C16orf96: variants seen among roughly 807,000 people sequenced by gnomAD.
C16orf96 encodes uncharacterized protein C16orf96.
A neutral mutation model predicts 103.6 loss-of-function variants in C16orf96; 108 were observed. The ratio of observed to expected loss-of-function variants is 1.04; its 90% CI spans 0.89 to 1.22. The LOEUF (loss-of-function observed/expected upper bound fraction) is 1.22, where lower values mean the gene tolerates loss of function less well. Ranked by LOEUF, C16orf96 falls within the 50% of genes most tolerant of loss-of-function variation. The pLI, the probability that C16orf96 is intolerant of heterozygous loss-of-function variation, is 0.00. For missense variants in C16orf96, 1,586 were observed against 1,464.2 expected (o/e 1.08, Z -1.36); for synonymous variants, 566 against 593.5 (o/e 0.95, Z 0.67).
chr16:4,587,713 T>C (rs990526435), intron 8 of C16orf96, among the ~76,000 whole-genome samples: 4 of 151,912 alleles, frequency 2.6e-5, no homozygotes, highest in African/African-American at 7.3e-5. Context: ...GAAGATAGGA[T>C]CACTTGAGGC....
chr16:4,552,176 C>T (rs1213006184), upstream of C16orf96, among the ~76,000 whole-genome samples: 2 of 152,046 alleles, frequency 1.3e-5, no homozygotes, highest in African/African-American at 2.4e-5. Context: ...TGTAATTCCG[C>T]TCAATTTTAT....
chr16:4,598,644 C>T (rs1278681328), intron 14 of C16orf96, among the ~76,000 whole-genome samples: 1 of 152,142 alleles, frequency 6.6e-6, no homozygotes, highest in Non-Finnish European at 1.5e-5. Flanking sequence ...AGGTGAAGGA[C>T]AGGAAGATGG....
chr16:4,555,023 G>T (rs775200153), upstream of C16orf96, among the ~76,000 whole-genome samples: 29 of 151,860 alleles, frequency 1.9e-4, no homozygotes, highest in Non-Finnish European at 3.2e-4. Context: ...AGCGCTTTGG[G>T]AGGCTGAGGC....
chr16:4,579,107 C>T (rs2059550500), intron 6 of C16orf96, 82 bp downstream of exon 6: 2 of 1,253,786 alleles, frequency 1.6e-6, no homozygotes, highest in Admixed American at 2.0e-5. Context: ...CTGCCCCCCT[C>T]CCAGGTGCAG....
chr16:4,566,030 A>C lies in C16orf96; in HGVS notation c.421-5531A>C, dbSNP rs565418983. 1.5e-3 allele frequency among the ~76,000 whole-genome samples: 222 copies of C among 152,146 alleles called. 3 individuals are homozygous for C. The Middle Eastern group carries it at 0.048, about 33-fold the overall frequency. On this transcript the variant is annotated intron_variant, in intron 1 of 15. Transcript: ENST00000444310. ...GCTAATTTTTAAGTTTTATGTAGAG[A>C]TGTGGTCTTGCTGTGTTAACAGCCC...
chr16:4,591,393 G>A (rs1005490300), intron 9 of C16orf96, among the ~76,000 whole-genome samples: 1 of 152,030 alleles, frequency 6.6e-6, no homozygotes, highest in Non-Finnish European at 1.5e-5. Context: ...GCTGAGCTTG[G>A]TTTGATTTGG....
intron 1 of C16orf96, among the ~76,000 whole-genome samples, chr16:4,559,514 G>A (rs1288604566): frequency 2.6e-5 from 4 of 151,466 alleles, no homozygotes; most frequent in Non-Finnish European, 5.9e-5. Flanking sequence ...TTGCGCCACT[G>A]CACTCCAGCC....
At chr16:4,573,568 C>T (rs191441554) in intron 2 of C16orf96, among the ~76,000 whole-genome samples, 3 of 150,678 alleles carry the variant, frequency 2.0e-5, no homozygotes, top group South Asian at 2.1e-4. Context: ...CTCGCTAACA[C>T]GGTGAAACCC....
chr16:4,574,937 G>A, intron 3 of C16orf96, 35 bp from the exon 4 acceptor site: 1 of 1,544,966 alleles, frequency 6.5e-7, no homozygotes, highest in Non-Finnish European at 8.8e-7. Flanking sequence ...CCCCCTCCAG[G>A]CTCACAGCCC....
chr16:4,539,038 G>A, the C16orf96 span, among the ~76,000 whole-genome samples: 6 of 152,102 alleles, frequency 3.9e-5, no homozygotes, highest in Non-Finnish European at 1.5e-5. Context: ...TTCCTCCAGG[G>A]CTGCATTTTT....
chr16:4,595,655 C>T (rs913844170), intron 14 of C16orf96, among the ~76,000 whole-genome samples: 3 of 152,060 alleles, frequency 2.0e-5, no homozygotes, highest in Non-Finnish European at 2.9e-5. Flanking sequence ...ACAAGATGGC[C>T]GGGGCCTGAA....
rs2059408483 is a variant in C16orf96, at chr16:4,568,870, T to C, written c.421-2691T>C. The stretch of plus-strand genomic sequence containing the variant: ...GTTTCGAACTCCTGGGCTCAAGTGA[T>C]CCACCTGCTTCAGCCCCCCAAAATG... On this transcript the variant is annotated intron_variant, in intron 1 of 15. Transcript: ENST00000444310. 3.3e-5 allele frequency among the ~76,000 whole-genome samples: 5 copies of C among 152,062 alleles called. No homozygotes were observed. The South Asian group carries it at 1.0e-3, about 32-fold the overall frequency.
chr16:4,585,477 T>A (rs932722751), intron 7 of C16orf96, among the ~76,000 whole-genome samples: 12 of 151,872 alleles, frequency 7.9e-5, no homozygotes, highest in Admixed American at 6.5e-4. Flanking sequence ...AATAAAAAAA[T>A]TAAAATTAAA....
chr16:4,554,279 G>T (rs776660300), upstream of C16orf96, among the ~76,000 whole-genome samples: 35 of 152,194 alleles, frequency 2.3e-4, no homozygotes, highest in Non-Finnish European at 2.8e-4. Context: ...GCAGGGTCTG[G>T]TGAGGGCACC....
chr16:4,545,974 C>T, the C16orf96 span, among the ~76,000 whole-genome samples: 1 of 151,986 alleles, frequency 6.6e-6, no homozygotes, highest in African/African-American at 2.4e-5. Context: ...CTCAGCCTCC[C>T]GAGTAGCTGG....
the C16orf96 span, among the ~76,000 whole-genome samples, chr16:4,544,779 C>A: frequency 6.6e-6 from 1 of 152,186 alleles, no homozygotes; most frequent in African/African-American, 2.4e-5. Flanking sequence ...TTGTTAGCCT[C>A]TGAGTGCTCT....
rs1352832239 is a variant in C16orf96 at position 4,600,353 on chromosome 16, CT to C, written c.*37del. ...GCTGCGCCCCCCATCGCCAAGTCCC[CT>C]CCACGTCCGAGGCTGAGGCCCATGT... On this transcript the variant is annotated 3_prime_UTR_variant, in exon 16 of 16. Transcript: ENST00000444310. 3 of 1,455,942 alleles carry C rather than the reference CT, an allele frequency of 2.1e-6. No homozygotes were observed. The African/African-American group carries it at 4.2e-5, about 20-fold the overall frequency. The allele number at this position is 1,455,942 out of a possible 1,614,324, so 90.2% of individuals were successfully genotyped here.
At chr16:4,590,799 A>C (rs1056825488) in intron 9 of C16orf96, among the ~76,000 whole-genome samples, 3 of 149,612 alleles carry the variant, frequency 2.0e-5, no homozygotes, top group African/African-American at 7.4e-5. Flanking sequence ...TGGGCGGATC[A>C]CCTGAGGTCA....
At position 4,599,356 on chromosome 16, in the gene C16orf96, T is replaced by C; in HGVS notation, c.3200T>C (p.Ile1067Thr). 1 of 1,551,540 alleles carries C rather than the reference T, an allele frequency of 6.4e-7. No individual in the cohort carries two copies. Among genetic ancestry groups the C allele is most frequent in the Non-Finnish European group, 8.7e-7 (1 of 1,146,822 alleles). ...RVHSSALFGA[I>T]CPPLCPRSSA... ...CACTCCAGTGCCCTATTTGGCGCCATCTGCCCCCGTGAGTACCTGGTTCCC... is the reference window on the plus strand; with the variant it reads ...CACTCCAGTGCCCTATTTGGCGCCACCTGCCCCCGTGAGTACCTGGTTCCC... The change falls in exon 15 of 16, where the codon ATC becomes ACC. Residue 1067 changes from isoleucine to threonine, a missense_variant. Transcript: ENST00000444310.
Sources: gnomAD v4.1 joint callset for allele counts (sites outside exome capture counted in the v4.1 genomes callset) on GRCh38, gnomAD v4.1.1 for gene constraint, MANE v1.5 for transcripts, NCBI Gene and HGNC (gene_info 2026-07-23, HGNC 2026-07-21) for gene names.